FOXN3: variants seen among roughly 807,000 people sequenced by gnomAD.
FOXN3 encodes the protein forkhead box protein N3.
In FOXN3, 7 loss-of-function variants were observed where a neutral mutation model predicts 38.4. The ratio of observed to expected loss-of-function variants is 0.18; its 90% CI spans 0.10 to 0.34. The LOEUF (loss-of-function observed/expected upper bound fraction) is 0.34. Ranked by LOEUF, FOXN3 falls within the 10% of genes least tolerant of loss-of-function variation. The pLI, the probability that FOXN3 is intolerant of heterozygous loss-of-function variation, is 1.00. For synonymous variants in FOXN3, 230 were observed against 242.2 expected, an observed-to-expected ratio of 0.95 and a Z score of 0.47; for missense variants, 456 against 613.4, an observed-to-expected ratio of 0.74 and a Z score of 2.71.
chr14:89,209,085 C>T (rs577390338), intron 4 of FOXN3, among the ~76,000 whole-genome samples: 1 of 152,322 alleles, frequency 6.6e-6, no homozygotes, highest in Non-Finnish European at 1.5e-5. Flanking sequence ...CTTTTTGTTA[C>T]TCTAAAACAC....
intron 3 of FOXN3, among the ~76,000 whole-genome samples, chr14:89,337,856 C>T (rs1212363430): frequency 6.6e-6 from 1 of 152,172 alleles, no homozygotes; most frequent in Non-Finnish European, 1.5e-5. Context: ...TCTTGAACTC[C>T]TGACCTCAGG....
chr14:89,294,292 T>A (rs1450720069), intron 3 of FOXN3, among the ~76,000 whole-genome samples: 3 of 152,270 alleles, frequency 2.0e-5, no homozygotes, highest in African/African-American at 4.8e-5. Flanking sequence ...CTTGCCAACG[T>A]GGAGAGGTGC....
intron 1 of FOXN3, among the ~76,000 whole-genome samples, chr14:89,608,823 C>A (rs1896332953): frequency 6.6e-6 from 1 of 152,210 alleles, no homozygotes; most frequent in Admixed American, 6.5e-5. Flanking sequence ...TCTTAGGGAA[C>A]TGTTTGGATT....
At chr14:89,607,302 T>A (rs143965826) in intron 1 of FOXN3, among the ~76,000 whole-genome samples, 76 of 152,270 alleles carry the variant, frequency 5.0e-4, no homozygotes, top group African/African-American at 1.8e-3. Context: ...CTCATGCCTA[T>A]AATTCCAGCA....
chr14:89,386,873 T>C (rs1890803698), intron 2 of FOXN3, among the ~76,000 whole-genome samples: 1 of 152,158 alleles, frequency 6.6e-6, no homozygotes, highest in Admixed American at 6.5e-5. Flanking sequence ...TTCCTCCTCT[T>C]ATAAGGCCAC....
intron 3 of FOXN3, among the ~76,000 whole-genome samples, chr14:89,292,121 C>G (rs1886893187): frequency 1.3e-5 from 2 of 152,180 alleles, no homozygotes; most frequent in African/African-American, 4.8e-5. Flanking sequence ...TTCGCTGGCT[C>G]CATTATTTCT....
At chr14:89,533,659 CTCAAAAAAA>C (rs1566689703) in intron 1 of FOXN3, among the ~76,000 whole-genome samples, 1 of 43,024 alleles carries the variant, frequency 2.3e-5, no homozygotes, top group African/African-American at 1.2e-4. Context: ...GAGACTCTGT[CTCAAAAAAA>C]AAAAAAAAAA....
At chr14:89,396,832 CA>C (rs11307508) in intron 2 of FOXN3, among the ~76,000 whole-genome samples, 48,528 of 96,810 alleles carry the variant, frequency 0.5, 9,384 homozygotes, top group Admixed American at 0.59. Context: ...AACTCCATCT[CA>C]AAAAAAAAAA....
At chr14:89,399,107 G>A (rs753441) in intron 2 of FOXN3, among the ~76,000 whole-genome samples, 18,079 of 152,262 alleles carry the variant, frequency 0.12, 1,292 homozygotes, top group East Asian at 0.34. Flanking sequence ...GGGATTTTCC[G>A]AGCAGCTATC....
At chr14:89,337,042 A>G (rs1888481696) in intron 3 of FOXN3, among the ~76,000 whole-genome samples, 1 of 152,162 alleles carries the variant, frequency 6.6e-6, no homozygotes, top group Admixed American at 6.5e-5. Context: ...TCTCAAGAAC[A>G]ATCCATTAAA....
At chr14:89,583,516 C>A (rs1895786107) in intron 1 of FOXN3, among the ~76,000 whole-genome samples, 1 of 152,202 alleles carries the variant, frequency 6.6e-6, no homozygotes, top group African/African-American at 2.4e-5. Context: ...GACTTTCCAG[C>A]CGCCAGAACT....
intron 1 of FOXN3, among the ~76,000 whole-genome samples, chr14:89,425,754 G>A (rs1400081749): frequency 2.0e-5 from 3 of 152,156 alleles, no homozygotes; most frequent in African/African-American, 4.8e-5. Context: ...GCTCCTAGGG[G>A]AAATATGGGG....
At chr14:89,356,117 G>A (rs1889212012) in intron 2 of FOXN3, among the ~76,000 whole-genome samples, 1 of 152,082 alleles carries the variant, frequency 6.6e-6, no homozygotes, top group Non-Finnish European at 1.5e-5. Context: ...ATTAAGACAG[G>A]CCAGGCATGG....
At chr14:89,273,481 A>T (rs1886212621) in intron 4 of FOXN3, among the ~76,000 whole-genome samples, 1 of 152,222 alleles carries the variant, frequency 6.6e-6, no homozygotes, top group South Asian at 2.1e-4. Context: ...AGGAAAATAC[A>T]GGATATCTGA....
chr14:89,612,530 T>C (rs1896413242), intron 1 of FOXN3, among the ~76,000 whole-genome samples: 1 of 152,142 alleles, frequency 6.6e-6, no homozygotes, highest in South Asian at 2.1e-4. Context: ...GTGTGGTGGC[T>C]CACACCTGTA....
At chr14:89,321,548 G>A (rs1184350173) in intron 3 of FOXN3, among the ~76,000 whole-genome samples, 1 of 152,144 alleles carries the variant, frequency 6.6e-6, no homozygotes, top group African/African-American at 2.4e-5. Flanking sequence ...CTGCACTCCA[G>A]CATGGGTGAC....
At chr14:89,510,243 C>T (rs569690723) in intron 1 of FOXN3, among the ~76,000 whole-genome samples, 53 of 152,322 alleles carry the variant, frequency 3.5e-4, no homozygotes, top group African/African-American at 1.2e-3. Context: ...CTGGAACCCA[C>T]GCATGCCTCC....
chr14:89,615,202 G>T (rs1234984901), intron 1 of FOXN3, among the ~76,000 whole-genome samples: 1 of 135,798 alleles, frequency 7.4e-6, no homozygotes, highest in East Asian at 2.4e-4. Context: ...TATAAGCAAT[G>T]AGAAGAATGA....
At chr14:89,215,347 A>T (rs74244513) in intron 4 of FOXN3, among the ~76,000 whole-genome samples, 2 of 148,846 alleles carry the variant, frequency 1.3e-5, no homozygotes, top group Non-Finnish European at 3.0e-5. Flanking sequence ...GAGAATAGAG[A>T]TTTTTTTTTT....
Sources: allele counts gnomAD v4.1 joint callset (sites outside exome capture counted in the v4.1 genomes callset), GRCh38; gene constraint gnomAD v4.1.1; transcripts MANE v1.5; gene names NCBI Gene and HGNC (gene_info 2026-07-23, HGNC 2026-07-21).